DYM: variants seen among roughly 807,000 people sequenced by gnomAD.
DYM encodes dyggve-Melchior-Clausen syndrome protein.
Under a neutral mutation model 93.1 loss-of-function variants are expected in DYM, and 78 were observed. The observed-to-expected ratio is 0.84, with a 90% CI of 0.70 to 1.01. DYM has a LOEUF of 1.01. Among genes scored for constraint, DYM ranks in the 50% least tolerant of loss-of-function variants. The pLI, the probability that DYM is intolerant of heterozygous loss-of-function variation, is 0.00. For synonymous variants in DYM, 321 were observed against 319.7 expected, an observed-to-expected ratio of 1.00 and a Z score of -0.04; for missense variants, 789 against 845.0, an observed-to-expected ratio of 0.93 and a Z score of 0.82.
chr18:49,044,090 G>C lies in DYM; in HGVS notation c.2140C>G (p.Gln714Glu). 1 of 1,613,996 alleles carries C rather than the reference G, an allele frequency of 6.2e-7. No individual in the cohort carries two copies. Among genetic ancestry groups the C allele is most frequent in the South Asian group, 1.1e-5 (1 of 91,078 alleles). Residue 714 changes from glutamine to glutamate, a missense_variant, in exon 18 of 18, where the codon CAG becomes GAG. Coordinates refer to ENST00000675505, the MANE Select transcript of DYM (RefSeq NM_001353214.3). ...NSAVGLYWNP[Q>E]DIQLFTMDSD ...TCCATGGTGAACAGCTGGATGTCCT[G>C]TGGATTCCAGTACAGGCCGACTGCT...
At chr18:49,226,285 C>T (rs550681655) in intron 13 of DYM, among the ~76,000 whole-genome samples, 1 of 152,140 alleles carries the variant, frequency 6.6e-6, no homozygotes, top group East Asian at 1.9e-4. Flanking sequence ...TGTAGATAAA[C>T]AGATCAATTT....
At chr18:49,097,874 G>GCTCGCT (rs1555753685) in intron 16 of DYM, among the ~76,000 whole-genome samples, 50 of 141,290 alleles carry the variant, frequency 3.5e-4, no homozygotes, top group African/African-American at 1.1e-3. Context: ...CTTAATATTA[G>GCTCGCT]CTCTCTCTCT....
intron 13 of DYM, among the ~76,000 whole-genome samples, chr18:49,234,190 C>A (rs1355460046): frequency 6.6e-6 from 1 of 151,896 alleles, no homozygotes; most frequent in African/African-American, 2.4e-5. Flanking sequence ...CATGGTGGCT[C>A]ATGCCTGTAA....
chr18:49,257,269 A>G (rs1188548667), intron 12 of DYM, among the ~76,000 whole-genome samples, 165 bp from the exon 13 acceptor site: 1 of 152,198 alleles, frequency 6.6e-6, no homozygotes, highest in Non-Finnish European at 1.5e-5. Context: ...AGCACTGAAA[A>G]TTCAAAGTTT....
chr18:49,059,017 CT>C (rs1407027662), intron 17 of DYM, among the ~76,000 whole-genome samples: 2 of 152,158 alleles, frequency 1.3e-5, no homozygotes, highest in Non-Finnish European at 2.9e-5. Context: ...GAATGATGTG[CT>C]TATTTAAAGA....
intron 13 of DYM, among the ~76,000 whole-genome samples, chr18:49,231,358 G>A (rs1191296163): frequency 2.6e-5 from 4 of 152,148 alleles, no homozygotes; most frequent in African/African-American, 7.2e-5. Flanking sequence ...AAGAAAGCAC[G>A]AGATCTAGAG....
At chr18:49,193,817 C>A (rs1379706183) in intron 14 of DYM, among the ~76,000 whole-genome samples, 1 of 152,180 alleles carries the variant, frequency 6.6e-6, no homozygotes, top group Non-Finnish European at 1.5e-5. Context: ...CCTTCTTCAT[C>A]TTTTATAACA....
chr18:49,216,625 C>A (rs2093062828), intron 13 of DYM, among the ~76,000 whole-genome samples: 2 of 152,166 alleles, frequency 1.3e-5, no homozygotes, highest in African/African-American at 4.8e-5. Flanking sequence ...GCTACCGCTG[C>A]TGATACCCAG....
At chr18:49,427,956 C>T (rs572700164) in intron 2 of DYM, among the ~76,000 whole-genome samples, 49 of 151,844 alleles carry the variant, frequency 3.2e-4, no homozygotes, top group African/African-American at 1.1e-3. Context: ...CCAGGCATGG[C>T]GGTGCATGCC....
At chr18:49,341,318 G>A (rs565055851) in intron 6 of DYM, among the ~76,000 whole-genome samples, 19 of 151,774 alleles carry the variant, frequency 1.3e-4, no homozygotes, top group Non-Finnish European at 2.1e-4. Flanking sequence ...GTGAAACCCC[G>A]TGAAACTACT....
At chr18:49,216,876 C>T in intron 13 of DYM, among the ~76,000 whole-genome samples, 1 of 152,244 alleles carries the variant, frequency 6.6e-6, no homozygotes, top group Non-Finnish European at 1.5e-5. Flanking sequence ...CGCAGTTCCT[C>T]ACCAGCAATG....
intron 15 of DYM, among the ~76,000 whole-genome samples, chr18:49,145,129 A>ATATATATATATATG (rs2084962769): frequency 1.7e-5 from 2 of 117,416 alleles, no homozygotes; most frequent in African/African-American, 6.7e-5. Context: ...ATATATATAT[A>ATATATATATATATG]TATATAATTT....
At chr18:49,180,839 T>C (rs1260498495) in intron 14 of DYM, among the ~76,000 whole-genome samples, 1 of 152,140 alleles carries the variant, frequency 6.6e-6, no homozygotes, top group Admixed American at 6.6e-5. Context: ...ATGGTTAAAT[T>C]GAGGGAATTA....
At chr18:49,045,266 T>C (rs2071330266) in intron 17 of DYM, among the ~76,000 whole-genome samples, 1 of 152,200 alleles carries the variant, frequency 6.6e-6, no homozygotes, top group Admixed American at 6.5e-5. Flanking sequence ...ACACTTATTA[T>C]ACTATACTGG....
chr18:49,433,512 A>G (rs969222427), intron 1 of DYM, among the ~76,000 whole-genome samples: 3 of 152,198 alleles, frequency 2.0e-5, no homozygotes, highest in Non-Finnish European at 2.9e-5. Flanking sequence ...TTCATCTTCC[A>G]TAATAGGTAG....
chr18:49,167,293 G>A (rs988057451), intron 14 of DYM, among the ~76,000 whole-genome samples: 2 of 152,008 alleles, frequency 1.3e-5, no homozygotes, highest in East Asian at 3.9e-4. Flanking sequence ...TATTTTGGTT[G>A]AGCATAATGG....
At chr18:49,167,110 A>G (rs1488061856) in intron 14 of DYM, among the ~76,000 whole-genome samples, 1 of 151,988 alleles carries the variant, frequency 6.6e-6, no homozygotes, top group Non-Finnish European at 1.5e-5. Context: ...TATCAATTTA[A>G]GAAAATTATT....
rs537424382 is a variant in DYM, at chr18:49,314,261, C to G, written c.763+17603G>C. On this transcript the variant is annotated intron_variant, in intron 8 of 17. Transcript: ENST00000675505. The stretch of plus-strand genomic sequence containing the variant: ...CACACTATATGTGTTCTTTTTCAAG[C>G]TGCTTTTCACTCAACATTGTGCTGT... 1.1e-4 allele frequency among the ~76,000 whole-genome samples: 16 copies of G among 152,316 alleles called. No homozygotes were observed. The South Asian group carries it at 3.3e-3, about 32-fold the overall frequency.
intron 15 of DYM, among the ~76,000 whole-genome samples, chr18:49,129,308 C>A (rs2083155185): frequency 6.6e-6 from 1 of 152,058 alleles, no homozygotes. Flanking sequence ...ACTTCAGTTT[C>A]CGTGTAGGAT....
Sources: allele counts gnomAD v4.1 joint callset (sites outside exome capture counted in the v4.1 genomes callset), GRCh38; gene constraint gnomAD v4.1.1; transcripts MANE v1.5; gene names NCBI Gene and HGNC (gene_info 2026-07-23, HGNC 2026-07-21).